Variants in REC114 observed in about 807,000 individuals in gnomAD.
REC114 encodes the protein meiotic recombination protein REC114.
In REC114, 27 loss-of-function variants were observed where a neutral mutation model predicts 31.3. That is an observed-to-expected ratio of 0.86 (90% confidence interval 0.64 to 1.19). REC114 has a LOEUF of 1.19. Among genes scored for constraint, REC114 ranks in the 50% most tolerant of loss-of-function variants. REC114 has a pLI of 0.00. For synonymous variants in REC114, 134 were observed against 127.7 expected (o/e 1.05, Z -0.33); for missense variants, 344 against 326.9 (o/e 1.05, Z -0.40).
chr15:73,557,650 A>C (rs1038864689), intron 5 of REC114, among the ~76,000 whole-genome samples: 1 of 152,192 alleles, frequency 6.6e-6, no homozygotes, highest in Non-Finnish European at 1.5e-5. Context: ...GCTGAGGAAA[A>C]CAGAGCTGCA....
Position 73,540,587 on chromosome 15 carries a change from A to G in REC114, c.333+19A>G, listed in dbSNP as rs780222172. On this transcript the variant is annotated intron_variant, in intron 3 of 5. Transcript: ENST00000331090. ...GATAAAGGCAAGATTTAAGCTAATGATCACACTCTTCTCATCTTCTATGTG... is the reference window on the plus strand; with the variant it reads ...GATAAAGGCAAGATTTAAGCTAATGGTCACACTCTTCTCATCTTCTATGTG... 6.3e-6 allele frequency: 10 copies of G among 1,594,358 alleles called. No individual in the cohort carries two copies. The highest frequency in any genetic ancestry group is 8.6e-6 in the Non-Finnish European group (10 of 1,161,874).
intron 2 of REC114, among the ~76,000 whole-genome samples, chr15:73,539,439 T>C (rs1234475302): frequency 4.8e-5 from 7 of 146,916 alleles, no homozygotes; most frequent in African/African-American, 1.8e-4. Flanking sequence ...TACAGGCACC[T>C]GCCACCACGC....
At chr15:73,516,818 G>A (rs1156282011) in intron 2 of REC114, among the ~76,000 whole-genome samples, 2 of 152,112 alleles carry the variant, frequency 1.3e-5, no homozygotes, top group African/African-American at 2.4e-5. Flanking sequence ...GTAGAGATGG[G>A]GTTTTACCAT....
chr15:73,453,165 G>A (rs1163788793), intron 1 of REC114, among the ~76,000 whole-genome samples: 1 of 152,152 alleles, frequency 6.6e-6, no homozygotes, highest in African/African-American at 2.4e-5. Context: ...CTTCTGCACA[G>A]CAAAAGAAAC....
intron 2 of REC114, among the ~76,000 whole-genome samples, chr15:73,534,118 A>G (rs989249797): frequency 2.0e-5 from 3 of 148,134 alleles, no homozygotes; most frequent in Admixed American, 1.4e-4. Context: ...TAACATCACA[A>G]TTAAAAGAAC....
intron 1 of REC114, among the ~76,000 whole-genome samples, chr15:73,448,816 T>C (rs946007772): frequency 3.3e-5 from 5 of 152,136 alleles, no homozygotes; most frequent in Non-Finnish European, 5.9e-5. Flanking sequence ...GGCAGCAGCC[T>C]GTTCTGCAGC....
intron 2 of REC114, among the ~76,000 whole-genome samples, chr15:73,508,360 C>T (rs1893712138): frequency 6.6e-6 from 1 of 150,492 alleles, no homozygotes; most frequent in African/African-American, 2.4e-5. Context: ...CACTGTTTTT[C>T]TAAAATGTTT....
chr15:73,522,488 T>G (rs1253465219), intron 2 of REC114, among the ~76,000 whole-genome samples: 3 of 152,186 alleles, frequency 2.0e-5, no homozygotes, highest in Non-Finnish European at 1.5e-5. Flanking sequence ...TCTATCTGCT[T>G]TCCGTTAGTG....
chr15:73,537,669 T>G (rs771683829), intron 2 of REC114, among the ~76,000 whole-genome samples: 3 of 152,252 alleles, frequency 2.0e-5, no homozygotes, highest in Non-Finnish European at 2.9e-5. Flanking sequence ...TTAAGCATTA[T>G]GCATAAGCAT....
intron 1 of REC114, among the ~76,000 whole-genome samples, chr15:73,457,557 G>A (rs186404963): frequency 5.5e-4 from 83 of 152,272 alleles, no homozygotes; most frequent in Admixed American, 9.8e-4. Flanking sequence ...CTGGAAACTC[G>A]TGCCAAGAAG....
chr15:73,551,974 T>G (rs1894399345), intron 4 of REC114, among the ~76,000 whole-genome samples: 1 of 152,192 alleles, frequency 6.6e-6, no homozygotes, highest in Non-Finnish European at 1.5e-5. Flanking sequence ...TTATAAGTAA[T>G]TACCTGATGA....
rs34642401 is a variant in REC114, at chr15:73,538,455, C to CTTT, written c.250-2013_250-2011dup. On this transcript the variant is annotated intron_variant, in intron 2 of 5. Coordinates refer to ENST00000331090, the MANE Select transcript of REC114 (RefSeq NM_001042367.2). Reference sequence around the variant, plus strand: ...TACATATGTGGCTCAAATTCTATTTCTTTTTTTTTTTTTTTTTTTGAGACA... The same window carrying CTTT: ...TACATATGTGGCTCAAATTCTATTTCTTTTTTTTTTTTTTTTTTTTTTGAGACA... Among the ~76,000 whole-genome samples the CTTT allele has an allele frequency of 4.3e-3, 536 of 124,062 alleles. 15 individuals are homozygous for CTTT. Among genetic ancestry groups the CTTT allele is most frequent in the South Asian group, 0.016 (64 of 3,946 alleles). 81.4% of individuals were successfully genotyped at this position (124,062 alleles called of 152,430 possible).
intron 1 of REC114, among the ~76,000 whole-genome samples, chr15:73,444,089 A>G (rs1191290258): frequency 6.6e-6 from 1 of 152,194 alleles, no homozygotes; most frequent in Non-Finnish European, 1.5e-5. Flanking sequence ...AAAAAATGCT[A>G]ACACTCACCT....
intron 2 of REC114, among the ~76,000 whole-genome samples, chr15:73,505,278 GT>G (rs1383765774): frequency 6.6e-6 from 1 of 152,112 alleles, no homozygotes; most frequent in East Asian, 1.9e-4. Context: ...CATTTGGTCA[GT>G]GTAAATTTAC....
chr15:73,553,597 CCTCATCAG>C (rs1894421349), intron 4 of REC114, among the ~76,000 whole-genome samples: 1 of 152,176 alleles, frequency 6.6e-6, no homozygotes, highest in Non-Finnish European at 1.5e-5. Context: ...CACGCTAGAA[CCTCATCAG>C]GCTACACAAT....
intron 2 of REC114, among the ~76,000 whole-genome samples, chr15:73,478,444 G>A (rs912670360): frequency 6.6e-6 from 1 of 151,796 alleles, no homozygotes; most frequent in Non-Finnish European, 1.5e-5. Flanking sequence ...TTGTTCTGTT[G>A]ATCTATATGT....
At chr15:73,468,972 A>T (rs1373679059) in intron 1 of REC114, among the ~76,000 whole-genome samples, 5 of 151,932 alleles carry the variant, frequency 3.3e-5, no homozygotes, top group African/African-American at 1.2e-4. Flanking sequence ...AATTTAATTC[A>T]TCTGTGCTCA....
At chr15:73,559,636 A>C in intron 5 of REC114, 116 bp from the exon 6 acceptor site, 1 of 872,640 alleles carries the variant, frequency 1.1e-6, no homozygotes, top group East Asian at 2.9e-5. Context: ...AATTAACACT[A>C]ATTTTTTTGG....
At chr15:73,503,997 A>ATTTTTTTT (rs71137349) in intron 2 of REC114, among the ~76,000 whole-genome samples, 2 of 64,036 alleles carry the variant, frequency 3.1e-5, no homozygotes, top group Non-Finnish European at 5.9e-5. Context: ...TCCCATAGGA[A>ATTTTTTTT]TTTTTTTTTT....
Sources: allele counts gnomAD v4.1 joint callset (sites outside exome capture counted in the v4.1 genomes callset), GRCh38; gene constraint gnomAD v4.1.1; transcripts MANE v1.5; gene names NCBI Gene and HGNC (gene_info 2026-07-23, HGNC 2026-07-21).